The following RARB variants were observed in gnomAD, a reference collection of about 807,000 sequenced individuals.
The protein encoded by RARB is HBV-activated protein.
Under a neutral mutation model 51.9 loss-of-function variants are expected in RARB, and 17 were observed. That is an observed-to-expected ratio of 0.33 (90% CI 0.22 to 0.49). RARB has a LOEUF of 0.49. Among genes scored for constraint, RARB ranks in the 20% least tolerant of loss-of-function variants. The probability of loss-of-function intolerance (pLI) is 0.99; values close to 1 mark genes in which losing one functional copy is unlikely to be tolerated. For missense variants in RARB, 369 were observed against 550.8 expected (o/e 0.67, Z 3.30); for synonymous variants, 215 against 195.4 (o/e 1.10, Z -0.84).
chr3:24,967,116 G>T (rs1462575166), intron 2 of RARB, among the ~76,000 whole-genome samples: 2 of 152,052 alleles, frequency 1.3e-5, no homozygotes, highest in African/African-American at 4.8e-5. Flanking sequence ...ATATTATCTT[G>T]AAAAATCAGA....
intron 3 of RARB, among the ~76,000 whole-genome samples, chr3:25,090,704 T>C (rs1699181474): frequency 6.6e-6 from 1 of 152,128 alleles, no homozygotes; most frequent in Admixed American, 6.6e-5. Context: ...ATACTCATGG[T>C]ACTAAGGAGA....
chr3:25,129,212 T>C (rs1444047725), intron 3 of RARB, among the ~76,000 whole-genome samples: 2 of 152,156 alleles, frequency 1.3e-5, no homozygotes, highest in African/African-American at 4.8e-5. Flanking sequence ...AAAAGAATTA[T>C]TTCAATTTAT....
intron 2 of RARB, among the ~76,000 whole-genome samples, chr3:25,473,466 C>G (rs1695799411): frequency 6.6e-6 from 1 of 152,154 alleles, no homozygotes; most frequent in African/African-American, 2.4e-5. Context: ...CCTTTGCTAG[C>G]AGCGTCCTGC....
At chr3:25,334,659 C>T (rs1019629306) in intron 5 of RARB, among the ~76,000 whole-genome samples, 7 of 151,860 alleles carry the variant, frequency 4.6e-5, no homozygotes, top group African/African-American at 1.7e-4. Flanking sequence ...GCACATGTAC[C>T]CTAGAACTTA....
At chr3:25,085,205 T>C (rs1006632507) in intron 3 of RARB, among the ~76,000 whole-genome samples, 1 of 152,208 alleles carries the variant, frequency 6.6e-6, no homozygotes, top group Non-Finnish European at 1.5e-5. Flanking sequence ...AATAGTGTCA[T>C]CTATTCAAAA....
At chr3:24,873,928 C>T (rs558005446) in intron 2 of RARB, among the ~76,000 whole-genome samples, 1 of 151,950 alleles carries the variant, frequency 6.6e-6, no homozygotes, top group East Asian at 1.9e-4. Flanking sequence ...ATTCAGCCAA[C>T]CACAGATCAA....
chr3:25,167,904 G>T (rs1351351188), intron 4 of RARB, among the ~76,000 whole-genome samples: 8 of 152,196 alleles, frequency 5.3e-5, no homozygotes, highest in Non-Finnish European at 8.8e-5. Flanking sequence ...TTACAGGATT[G>T]CTCAATGGAG....
chr3:25,330,482 C>G (rs999807950), intron 5 of RARB, among the ~76,000 whole-genome samples: 33 of 152,116 alleles, frequency 2.2e-4, no homozygotes, highest in African/African-American at 7.7e-4. Flanking sequence ...TTTGTCACAA[C>G]CAGGCCTGCC....
intron 5 of RARB, among the ~76,000 whole-genome samples, chr3:25,201,913 C>T (rs1211385321): frequency 6.6e-6 from 1 of 151,800 alleles, no homozygotes; most frequent in Non-Finnish European, 1.5e-5. Flanking sequence ...GTGTTTCTTT[C>T]TGCCAGGCTT....
chr3:25,463,449 A>C (rs1021532543), intron 2 of RARB, among the ~76,000 whole-genome samples: 1 of 152,036 alleles, frequency 6.6e-6, no homozygotes, highest in East Asian at 1.9e-4. Flanking sequence ...CAGATCACGA[A>C]GTCAAGAGAT....
intron 5 of RARB, among the ~76,000 whole-genome samples, chr3:25,315,708 G>T (rs1704405311): frequency 1.3e-5 from 2 of 152,106 alleles, no homozygotes; most frequent in South Asian, 4.1e-4. Flanking sequence ...CTGCTTCCCG[G>T]GTTAAAGCGA....
At chr3:25,313,735 T>A (rs991576184) in intron 5 of RARB, among the ~76,000 whole-genome samples, 1 of 152,110 alleles carries the variant, frequency 6.6e-6, no homozygotes, top group South Asian at 2.1e-4. Flanking sequence ...AAATTATACA[T>A]ACAAAATTAT....
At chr3:25,268,669 C>T (rs1703182116) in intron 5 of RARB, among the ~76,000 whole-genome samples, 1 of 152,144 alleles carries the variant, frequency 6.6e-6, no homozygotes, top group Admixed American at 6.6e-5. Context: ...ACTGGTTGTT[C>T]CCTTAGTCTG....
chr3:25,242,286 C>A (rs1286680851), intron 5 of RARB, among the ~76,000 whole-genome samples: 1 of 152,076 alleles, frequency 6.6e-6, no homozygotes, highest in Non-Finnish European at 1.5e-5. Flanking sequence ...GTTTATTTTG[C>A]CGTGCAGAAA....
chr3:25,391,334 T>G (rs1475703930), intron 5 of RARB, among the ~76,000 whole-genome samples: 1 of 152,200 alleles, frequency 6.6e-6, no homozygotes, highest in Non-Finnish European at 1.5e-5. Flanking sequence ...TTTGCAGTTG[T>G]GAATTGTGTT....
chr3:25,171,819 A>G (rs1346299355), intron 4 of RARB, among the ~76,000 whole-genome samples: 5 of 152,148 alleles, frequency 3.3e-5, no homozygotes, highest in African/African-American at 9.7e-5. Flanking sequence ...GTGGAAACTC[A>G]GCAAATACTA....
intron 2 of RARB, among the ~76,000 whole-genome samples, chr3:24,878,629 C>T (rs901192313): frequency 6.6e-6 from 1 of 152,078 alleles, no homozygotes. Flanking sequence ...GCATCCTTGG[C>T]CTCTACCCAC....
At chr3:25,326,289 A>T (rs1017323483) in intron 5 of RARB, among the ~76,000 whole-genome samples, 7 of 152,216 alleles carry the variant, frequency 4.6e-5, no homozygotes, top group African/African-American at 9.6e-5. Context: ...TAACAGTAGA[A>T]CAAAGAGAAA....
At chr3:24,831,849 C>T (rs1198411384) in intron 1 of RARB, among the ~76,000 whole-genome samples, 4 of 152,082 alleles carry the variant, frequency 2.6e-5, no homozygotes, top group Non-Finnish European at 5.9e-5. Flanking sequence ...CAAATCATAA[C>T]AAAACTAAAT....
Sources: gnomAD v4.1 joint callset for allele counts (sites outside exome capture counted in the v4.1 genomes callset) on GRCh38, gnomAD v4.1.1 for gene constraint, MANE v1.5 for transcripts, NCBI Gene and HGNC (gene_info 2026-07-23, HGNC 2026-07-21) for gene names.